VAMP1: variants seen among roughly 807,000 people sequenced by gnomAD.
VAMP1 encodes the protein vesicle-associated membrane protein 1.
VAMP1 carries 16 observed loss-of-function variants against 19.1 expected under a neutral mutation model. The observed-to-expected ratio is 0.84, with a 90% confidence interval of 0.57 to 1.27. VAMP1 has a LOEUF of 1.27. VAMP1 is among the 50% of genes most tolerant of loss of function. The pLI is 0.00. For missense variants in VAMP1, 109 were observed against 145.4 expected, an observed-to-expected ratio of 0.75 and a Z score of 1.29; for synonymous variants, 37 against 50.2, an observed-to-expected ratio of 0.74 and a Z score of 1.11.
intron 3 of VAMP1, 73 bp downstream of exon 3, chr12:6,465,769 G>A: frequency 6.4e-7 from 1 of 1,572,296 alleles, no homozygotes; most frequent in Non-Finnish European, 8.6e-7. Flanking sequence ...AAGAAATGTA[G>A]AAGCTGAGGG....
rs1950017701 is a variant in VAMP1, at chr12:6,466,097, T to C, written c.130-97A>G. ...TCACAAGTCTGGCCCTGTGCAACTC[T>C]AAAGGGTGCTTTGCCTCTCAGGGCC... On this transcript the variant is annotated intron_variant, in intron 2 of 4. Transcript: ENST00000396308. The C allele has an allele frequency of 1.9e-6, 3 of 1,610,534 alleles. No individual in the cohort carries two copies. The Admixed American group carries it at 5.0e-5, about 27-fold the overall frequency.
intron 1 of VAMP1, 50 bp downstream of exon 1, chr12:6,470,480 G>A (rs573277356): frequency 9.3e-6 from 15 of 1,613,382 alleles, no homozygotes; most frequent in Middle Eastern, 3.3e-4. Context: ...GGGAGCTTGG[G>A]GCGAGAGTTG....
intron 1 of VAMP1, among the ~76,000 whole-genome samples, chr12:6,468,207 A>C (rs1257678914): frequency 6.6e-6 from 1 of 152,258 alleles, no homozygotes; most frequent in Non-Finnish European, 1.5e-5. Flanking sequence ...ACTCAATGCC[A>C]GTCCGTGAAG....
chr12:6,465,886 T>C lies in VAMP1; in HGVS notation c.244A>G (p.Ser82Gly). The change falls in exon 3 of 5, where the codon AGT becomes GGT. Residue 82 changes from serine to glycine, a missense_variant. Ser to Gly is a moderately conservative substitution (Grantham distance 56). Coordinates refer to ENST00000396308, the MANE Select transcript of VAMP1 (RefSeq NM_014231.5). ...TACTTCCTCTTTAGCTTGGCAGCAC[T>C]GCTCTCAAATTGTGATGCTCCTGCC... ...LQAGASQFES[S>G]AAKLKRKYWW... 6.2e-7 allele frequency: 1 copy of C among 1,614,254 alleles called. No homozygotes were observed. Among genetic ancestry groups the C allele is most frequent in the Non-Finnish European group, 8.5e-7 (1 of 1,180,042 alleles).
Position 6,463,721 on chromosome 12 carries a change from GA to G in VAMP1, c.*748del. The G allele has an allele frequency of 8.7e-7, 1 of 1,152,726 alleles. No individual in the cohort carries two copies. Among genetic ancestry groups the G allele is most frequent in the Non-Finnish European group, 1.1e-6 (1 of 925,342 alleles). 71.4% of individuals were successfully genotyped at this position (1,152,726 alleles called of 1,614,324 possible). A position where few individuals can be genotyped will look rare whatever the true frequency, so the allele number is the denominator to read the frequency against. Reference sequence around the variant, plus strand: ...TGGTGCCCTCATACAGAATGCTGTAGAAAATGTAAAGAAGAGAAAGCTCCTT... The same window carrying G: ...TGGTGCCCTCATACAGAATGCTGTAGAAATGTAAAGAAGAGAAAGCTCCTT... On this transcript the variant is annotated 3_prime_UTR_variant, in exon 5 of 5. Coordinates refer to ENST00000396308, the MANE Select transcript of VAMP1 (RefSeq NM_014231.5). This position sits in a 1 kb window ranked among gnomAD's most constrained non-coding sequence, Gnocchi z 4.0.
intron 1 of VAMP1, among the ~76,000 whole-genome samples, chr12:6,469,304 G>A (rs946102131): frequency 1.3e-5 from 2 of 151,928 alleles, no homozygotes; most frequent in Admixed American, 1.3e-4. Flanking sequence ...CAGGATGGTA[G>A]CACCAATGAC....
chr12:6,465,069 A>T (rs1487664853), intron 3 of VAMP1, 128 bp from the exon 4 acceptor site: 1 of 1,397,774 alleles, frequency 7.2e-7, no homozygotes, highest in Non-Finnish European at 9.7e-7. Context: ...CACCCAGGAG[A>T]CCTGCAGGCC....
At chr12:6,470,436 T>TA (rs1181950076) in intron 1 of VAMP1, 94 bp downstream of exon 1, 1 of 1,580,596 alleles carries the variant, frequency 6.3e-7, no homozygotes, top group African/African-American at 1.4e-5. Flanking sequence ...TTGCTGCAGC[T>TA]GCTGCATTGC....
At chr12:6,470,024 C>G (rs532893795) in intron 1 of VAMP1, among the ~76,000 whole-genome samples, 1 of 152,290 alleles carries the variant, frequency 6.6e-6, no homozygotes, top group African/African-American at 2.4e-5. Context: ...TGCAGCTTTG[C>G]TCACTGCCAT....
Position 6,462,287 on chromosome 12 carries a change from T to A in VAMP1, c.*2183A>T. The A allele has an allele frequency of 4.7e-6, 3 of 642,454 alleles. No individual in the cohort carries two copies. Among genetic ancestry groups the A allele is most frequent in the Non-Finnish European group, 8.0e-6 (3 of 373,912 alleles). The allele number at this position is 642,454 out of a possible 1,614,324, so 39.8% of individuals were successfully genotyped here. ...TGCCTTTGTTCAGAATACATGACAT[T>A]GGTAAATATGCCACATGCCTTTGGT... On this transcript the variant is annotated 3_prime_UTR_variant, in exon 5 of 5. Coordinates refer to ENST00000396308, the MANE Select transcript of VAMP1 (RefSeq NM_014231.5).
chr12:6,464,803 C>A, intron 4 of VAMP1, 87 bp downstream of exon 4: 1 of 1,601,594 alleles, frequency 6.2e-7, no homozygotes, highest in South Asian at 1.1e-5. Context: ...CAGAGCAGCC[C>A]CACTCCCCAG....
intron 3 of VAMP1, chr12:6,465,146 G>T (rs1188607254): frequency 1.5e-6 from 1 of 666,534 alleles, no homozygotes; most frequent in Non-Finnish European, 2.4e-6. Context: ...TAGCTTTTCA[G>T]ATTCATCACA....
In VAMP1 at chr12:6,463,460, C is replaced by T. The variant is rs1365810730; in HGVS notation, c.*1010G>A. On this transcript the variant is annotated 3_prime_UTR_variant, in exon 5 of 5. Coordinates refer to ENST00000396308, the MANE Select transcript of VAMP1 (RefSeq NM_014231.5). The surrounding 1 kb of genome is among the most constrained non-coding windows in gnomAD (Gnocchi z 4.0). ...TGGAGGAAAGGATTCCATGGGTGTC[C>T]AAAGATCTCACACTGCTAACACCCT... 2 of 1,038,658 alleles carry T rather than the reference C, an allele frequency of 1.9e-6. No individual in the cohort carries two copies. Among genetic ancestry groups the T allele is most frequent in the Non-Finnish European group, 2.3e-6 (2 of 861,272 alleles). The allele number at this position is 1,038,658 out of a possible 1,614,324, so 64.3% of individuals were successfully genotyped here.
chr12:6,467,105 G>T (rs956555284), intron 1 of VAMP1: 2 of 166,480 alleles, frequency 1.2e-5, no homozygotes, highest in Non-Finnish European at 1.3e-5. Flanking sequence ...ATGTGGAACT[G>T]TAAGTCCAAT....
Position 6,463,971 on chromosome 12 carries a change from G to A in VAMP1, c.*499C>T. ...CAAGTTGGACTTTGGTCCACCCCCA[G>A]GACCCTCTTCAGGCCTGGTCCAGGA... On this transcript the variant is annotated 3_prime_UTR_variant, in exon 5 of 5. Coordinates refer to ENST00000396308, the MANE Select transcript of VAMP1 (RefSeq NM_014231.5). This position sits in a 1 kb window ranked among gnomAD's most constrained non-coding sequence, Gnocchi z 4.0. The A allele has an allele frequency of 7.7e-7, 1 of 1,290,570 alleles. No individual in the cohort carries two copies. The highest frequency in any genetic ancestry group is 1.0e-6 in the Non-Finnish European group (1 of 989,706). The allele number at this position is 1,290,570 out of a possible 1,614,324, so 79.9% of individuals were successfully genotyped here.
At chr12:6,468,056 C>G (rs1465438141) in intron 1 of VAMP1, among the ~76,000 whole-genome samples, 4 of 152,212 alleles carry the variant, frequency 2.6e-5, no homozygotes, top group Non-Finnish European at 5.9e-5. Flanking sequence ...ACAGAAGGGA[C>G]ATGTGGGGTT....
intron 1 of VAMP1, among the ~76,000 whole-genome samples, chr12:6,468,202 A>G (rs1048143533): frequency 3.3e-5 from 5 of 152,346 alleles, no homozygotes; most frequent in African/African-American, 1.2e-4. Context: ...CAGACACTCA[A>G]TGCCAGTCCG....
Position 6,470,642 on chromosome 12 carries a change from C to A in VAMP1, c.-111G>T. 3 of 1,457,468 alleles carry A rather than the reference C, an allele frequency of 2.1e-6. No homozygotes were observed. The highest frequency in any genetic ancestry group is 1.2e-5 in the South Asian group (1 of 85,436). 90.3% of individuals were successfully genotyped at this position (1,457,468 alleles called of 1,614,324 possible). A position where few individuals can be genotyped will look rare whatever the true frequency, so the allele number is the denominator to read the frequency against. Reference sequence around the variant, plus strand: ...GGAACTGCCAAGCTCCGCCTCGCGCCGACTACCCCGCGGTCTAGCTGCGCT... The same window carrying A: ...GGAACTGCCAAGCTCCGCCTCGCGCAGACTACCCCGCGGTCTAGCTGCGCT... On this transcript the variant is annotated 5_prime_UTR_variant, in exon 1 of 5. Transcript: ENST00000396308.
chr12:6,464,681 C>A, intron 4 of VAMP1, 195 bp from the exon 5 acceptor site: 1 of 1,485,420 alleles, frequency 6.7e-7, no homozygotes, highest in East Asian at 2.4e-5. Flanking sequence ...CGCCATCTCC[C>A]TGCAATGCGT....
Sources: allele counts gnomAD v4.1 joint callset (sites outside exome capture counted in the v4.1 genomes callset), GRCh38; gene constraint gnomAD v4.1.1; non-coding constraint Gnocchi (gnomAD v3.1); transcripts MANE v1.5; gene names NCBI Gene and HGNC (gene_info 2026-07-23, HGNC 2026-07-21).